The following CISD3 variants were observed in gnomAD, a reference collection of about 807,000 sequenced individuals.
The protein encoded by CISD3 is CDGSH iron-sulfur domain-containing protein 3, mitochondrial.
CISD3 carries 11 observed loss-of-function variants against 14.1 expected under a neutral mutation model. That is an observed-to-expected ratio of 0.78 (90% CI 0.49 to 1.29). The LOEUF (loss-of-function observed/expected upper bound fraction) is 1.29. Among genes scored for constraint, CISD3 ranks in the 50% most tolerant of loss-of-function variants. The probability of loss-of-function intolerance (pLI) is 0.00; values close to 1 mark genes in which losing one functional copy is unlikely to be tolerated. For synonymous variants in CISD3, 53 were observed against 69.2 expected (o/e 0.77, Z 1.16); for missense variants, 156 against 171.6 (o/e 0.91, Z 0.51).
At chr17:38,732,634 C>CA (rs560268339) in intron 3 of CISD3, among the ~76,000 whole-genome samples, 16 of 150,028 alleles carry the variant, frequency 1.1e-4, no homozygotes, top group African/African-American at 3.2e-4. Context: ...GAGACCCTGT[C>CA]AAAAAAAAAG....
At position 38,735,313 on chromosome 17, in the gene CISD3, C is replaced by G. The variant is rs149121439; in HGVS notation, c.*1858C>G. The G allele has an allele frequency of 3.3e-6, 5 of 1,533,402 alleles. No individual in the cohort carries two copies. In the Admixed American group the frequency reaches 7.6e-5, roughly 23 times the overall value. 95.0% of individuals were successfully genotyped at this position (1,533,402 alleles called of 1,614,324 possible). On this transcript the variant is annotated 3_prime_UTR_variant, in exon 4 of 4. Transcript: ENST00000613478. Reference sequence around the variant, plus strand: ...GTGTCTGCAGGCAGTTCAAGCTACCCCCGTTGGCAGCTGTGGTGGCCCCAC... The same window carrying G: ...GTGTCTGCAGGCAGTTCAAGCTACCGCCGTTGGCAGCTGTGGTGGCCCCAC...
At chr17:38,732,430 C>T (rs911013663) in intron 3 of CISD3, among the ~76,000 whole-genome samples, 2 of 152,160 alleles carry the variant, frequency 1.3e-5, no homozygotes, top group Non-Finnish European at 2.9e-5. Context: ...TCCAGGAGTT[C>T]AAGAACAGTC....
In CISD3 at chr17:38,734,983, T is replaced by G; in HGVS notation, c.*1528T>G. 2.8e-6 allele frequency: 1 copy of G among 351,394 alleles called. No individual in the cohort carries two copies. The highest frequency in any genetic ancestry group is 5.1e-6 in the Non-Finnish European group (1 of 197,874). The allele number at this position is 351,394 out of a possible 1,614,324, so 21.8% of individuals were successfully genotyped here. ...AAAAATGAACACCATTTTCCACACA[T>G]ACACACACACATAAAGTTTGTTTCC... is the stretch of plus-strand genomic sequence containing the variant. On this transcript the variant is annotated 3_prime_UTR_variant, in exon 4 of 4. Transcript: ENST00000613478.
intron 3 of CISD3, 83 bp from the exon 4 acceptor site, chr17:38,733,193 A>G: frequency 7.4e-7 from 1 of 1,347,086 alleles, no homozygotes; most frequent in South Asian, 1.3e-5. Context: ...ACTGTGCTCC[A>G]CTCCCCCTGA....
At chr17:38,732,626 G>C (rs937115776) in intron 3 of CISD3, among the ~76,000 whole-genome samples, 12 of 151,956 alleles carry the variant, frequency 7.9e-5, no homozygotes, top group Non-Finnish European at 2.9e-5. Context: ...AACAGAGTGA[G>C]ACCCTGTCAA....
rs1395524229 is a variant in CISD3 at position 38,734,947 on chromosome 17, C to A, written c.*1492C>A. On this transcript the variant is annotated 3_prime_UTR_variant, in exon 4 of 4. Transcript: ENST00000613478. ...CCCAAAAACAGCAAATTACACAAGA[C>A]CCCCCCCAAAAAAAATGAACACCAT... 2 of 250,656 alleles carry A rather than the reference C, an allele frequency of 8.0e-6. No individual in the cohort carries two copies. Among genetic ancestry groups the A allele is most frequent in the African/African-American group, 2.4e-5 (1 of 42,488 alleles). 15.5% of individuals were successfully genotyped at this position (250,656 alleles called of 1,614,324 possible).
intron 2 of CISD3, 114 bp from the exon 3 acceptor site, chr17:38,731,206 G>A (rs1184749118): frequency 1.4e-6 from 2 of 1,416,864 alleles, no homozygotes; most frequent in Non-Finnish European, 9.5e-7. Context: ...TCAGCCTCTT[G>A]TAGAGGAAAC....
At chr17:38,732,464 C>A (rs1906375644) in intron 3 of CISD3, among the ~76,000 whole-genome samples, 1 of 152,158 alleles carries the variant, frequency 6.6e-6, no homozygotes, top group East Asian at 1.9e-4. Context: ...TGAGACCCCG[C>A]TTCTACAAAT....
In CISD3 at chr17:38,733,503, G is replaced by A; in HGVS notation, c.*48G>A. The A allele has an allele frequency of 6.8e-7, 1 of 1,461,242 alleles. No homozygotes were observed. Among genetic ancestry groups the A allele is most frequent in the Non-Finnish European group, 9.1e-7 (1 of 1,100,362 alleles). The allele number at this position is 1,461,242 out of a possible 1,614,324, so 90.5% of individuals were successfully genotyped here. A position where few individuals can be genotyped will look rare whatever the true frequency, so the allele number is the denominator to read the frequency against. On this transcript the variant is annotated 3_prime_UTR_variant, in exon 4 of 4. Coordinates refer to ENST00000613478, the MANE Select transcript of CISD3 (RefSeq NM_001136498.2). ...CAGGTGGCCTTGGCTCCAGGCCTCT[G>A]ACAGGCACCCCCTTCTGTGGGAAAG... is the stretch of plus-strand genomic sequence containing the variant.
rs376196111 is a variant in CISD3 at position 38,735,442 on chromosome 17, G to A, written c.*1987G>A. On this transcript the variant is annotated 3_prime_UTR_variant, in exon 4 of 4. Coordinates refer to ENST00000613478, the MANE Select transcript of CISD3 (RefSeq NM_001136498.2). The stretch of plus-strand genomic sequence containing the variant: ...TGGCTGGGCTGGGCAGGGAGGAGGA[G>A]GTGGCTGGCAGGGTGGCAGGGCTGG... The A allele has an allele frequency of 1.3e-6, 2 of 1,585,458 alleles. No individual in the cohort carries two copies. The highest frequency in any genetic ancestry group is 1.1e-5 in the South Asian group (1 of 87,136).
intron 2 of CISD3, 39 bp downstream of exon 2, chr17:38,730,834 C>T (rs1224143074): frequency 6.5e-7 from 1 of 1,540,344 alleles, no homozygotes. Flanking sequence ...CGCACAAGAC[C>T]CCCAGGCACG....
At position 38,734,879 on chromosome 17, in the gene CISD3, T is replaced by G; in HGVS notation, c.*1424T>G. 1.1e-5 allele frequency: 2 copies of G among 184,106 alleles called. No individual in the cohort carries two copies. The highest frequency in any genetic ancestry group is 1.3e-4 in the East Asian group (1 of 7,658). The allele number at this position is 184,106 out of a possible 1,614,324, so 11.4% of individuals were successfully genotyped here. On this transcript the variant is annotated 3_prime_UTR_variant, in exon 4 of 4. Coordinates refer to ENST00000613478, the MANE Select transcript of CISD3 (RefSeq NM_001136498.2). ...GAAACAGCGAGGATGGTGCAGAGCT[T>G]TATTGAGACTCCAGTGGCCCATCCA...
chr17:38,731,108 T>C, intron 2 of CISD3: 1 of 689,560 alleles, frequency 1.5e-6, no homozygotes, highest in East Asian at 2.7e-5. Context: ...CCCTGAAACC[T>C]GAGTGCCTGC....
chr17:38,735,174 T>G lies in CISD3; in HGVS notation c.*1719T>G. 1 of 1,277,240 alleles carries G rather than the reference T, an allele frequency of 7.8e-7. No individual in the cohort carries two copies. The highest frequency in any genetic ancestry group is 3.0e-5 in the East Asian group (1 of 33,508). The allele number at this position is 1,277,240 out of a possible 1,614,324, so 79.1% of individuals were successfully genotyped here. A position where few individuals can be genotyped will look rare whatever the true frequency, so the allele number is the denominator to read the frequency against. On this transcript the variant is annotated 3_prime_UTR_variant, in exon 4 of 4. Transcript: ENST00000613478. ...GGTGGAAAAAAGGGCCCAGAAAAAG[T>G]GGAAGGAGTGGAGAGGCTTGGCTGG...
At chr17:38,731,169 G>T in intron 2 of CISD3, 151 bp from the exon 3 acceptor site, 1 of 1,051,238 alleles carries the variant, frequency 9.5e-7, no homozygotes, top group Non-Finnish European at 1.3e-6. Context: ...GGTGTCCTGG[G>T]GAACGGTCTT....
At chr17:38,730,836 C>G (rs1906299813) in intron 2 of CISD3, 41 bp downstream of exon 2, 2 of 1,537,976 alleles carry the variant, frequency 1.3e-6, no homozygotes, top group South Asian at 1.2e-5. Flanking sequence ...CACAAGACCC[C>G]CAGGCACGGA....
intron 2 of CISD3, chr17:38,731,047 G>A (rs1017282484): frequency 1.1e-5 from 7 of 631,356 alleles, no homozygotes; most frequent in Admixed American, 8.9e-5. Flanking sequence ...ATCCCAGCCC[G>A]CCTTCCCTAG....
At position 38,735,483 on chromosome 17, in the gene CISD3, C is replaced by A; in HGVS notation, c.*2028C>A. 1 of 1,593,516 alleles carries A rather than the reference C, an allele frequency of 6.3e-7. No homozygotes were observed. The highest frequency in any genetic ancestry group is 8.5e-7 in the Non-Finnish European group (1 of 1,170,300). ...GCAGGGCTGGGAGCCTTGTCGCTGA[C>A]TGACTCACACTCGGACGCCCCGCTG... is the stretch of plus-strand genomic sequence containing the variant. On this transcript the variant is annotated 3_prime_UTR_variant, in exon 4 of 4. Transcript: ENST00000613478.
chr17:38,733,474 G>C lies in CISD3; in HGVS notation c.*19G>C. On this transcript the variant is annotated 3_prime_UTR_variant, in exon 4 of 4. Transcript: ENST00000613478. ...ACTCTGAGGGGGCTGCTGCTGTCCA[G>C]CCACAGGTGGCCTTGGCTCCAGGCC... 6.7e-7 allele frequency: 1 copy of C among 1,499,090 alleles called. No individual in the cohort carries two copies. The highest frequency in any genetic ancestry group is 8.9e-7 in the Non-Finnish European group (1 of 1,119,796). The allele number at this position is 1,499,090 out of a possible 1,614,324, so 92.9% of individuals were successfully genotyped here. A position where few individuals can be genotyped will look rare whatever the true frequency, so the allele number is the denominator to read the frequency against.
Sources: allele counts gnomAD v4.1 joint callset (sites outside exome capture counted in the v4.1 genomes callset), GRCh38; gene constraint gnomAD v4.1.1; transcripts MANE v1.5; gene names NCBI Gene and HGNC (gene_info 2026-07-23, HGNC 2026-07-21).